Variants in TBC1D5 observed in about 807,000 individuals in gnomAD.
TBC1D5 encodes the protein TBC1 domain family, member 5.
In TBC1D5, 75 loss-of-function variants were observed where a neutral mutation model predicts 100.3. That is an observed-to-expected ratio of 0.75 (90% CI 0.62 to 0.91). The LOEUF (loss-of-function observed/expected upper bound fraction) is 0.91. Ranked by LOEUF, TBC1D5 falls within the 40% of genes least tolerant of loss-of-function variation. The pLI is 0.00. For synonymous variants in TBC1D5, 323 were observed against 325.6 expected (o/e 0.99, Z 0.09); for missense variants, 910 against 942.4 (o/e 0.97, Z 0.45).
intron 4 of TBC1D5, among the ~76,000 whole-genome samples, chr3:17,427,608 G>A (rs1416521263): frequency 6.6e-6 from 1 of 151,806 alleles, no homozygotes; most frequent in African/African-American, 2.4e-5. Context: ...TTATAGTGTT[G>A]TTACACAAGT....
At chr3:17,406,704 A>C in intron 4 of TBC1D5, 178 bp from the exon 5 acceptor site, 1 of 564,042 alleles carries the variant, frequency 1.8e-6, no homozygotes, top group Non-Finnish European at 3.1e-6. Flanking sequence ...GTTCTTCCGT[A>C]GATTTAATGA....
At chr3:17,272,384 T>A (rs2079522597) in intron 15 of TBC1D5, among the ~76,000 whole-genome samples, 1 of 152,196 alleles carries the variant, frequency 6.6e-6, no homozygotes, top group Admixed American at 6.5e-5. Flanking sequence ...TTATGAGGCA[T>A]CAATTAAGCA....
At chr3:17,214,064 A>C (rs532871833) in intron 18 of TBC1D5, 143 bp downstream of exon 19, 1 of 799,750 alleles carries the variant, frequency 1.3e-6, no homozygotes, top group South Asian at 3.2e-5. Flanking sequence ...TAAAATAATA[A>C]AATACTTTTG....
chr3:17,720,369 TA>T (rs2075595428), intron 1 of TBC1D5, among the ~76,000 whole-genome samples: 1 of 152,308 alleles, frequency 6.6e-6, no homozygotes, highest in African/African-American at 2.4e-5. Context: ...TTCATTATAA[TA>T]AAAAATATGG....
At chr3:17,494,704 T>C (rs967460265) in intron 3 of TBC1D5, among the ~76,000 whole-genome samples, 25 of 152,154 alleles carry the variant, frequency 1.6e-4, no homozygotes, top group Non-Finnish European at 1.5e-5. Context: ...CTGTGAGGAA[T>C]TCCTCCTAGC....
chr3:17,731,886 A>C (rs1292371172), intron 1 of TBC1D5, among the ~76,000 whole-genome samples: 1 of 152,190 alleles, frequency 6.6e-6, no homozygotes, highest in African/African-American at 2.4e-5. Flanking sequence ...ATTTTTTGTA[A>C]GAGAAGAAGG....
At chr3:17,466,890 AAATTT>A (rs1211901710) in intron 3 of TBC1D5, among the ~76,000 whole-genome samples, 23 of 152,146 alleles carry the variant, frequency 1.5e-4, no homozygotes, top group Non-Finnish European at 2.5e-4. Context: ...TATCACAATT[AAATTT>A]AAAAGTTTAT....
chr3:17,312,111 C>T (rs2084095727), intron 13 of TBC1D5, among the ~76,000 whole-genome samples: 1 of 151,976 alleles, frequency 6.6e-6, no homozygotes. Context: ...GAAATTAATA[C>T]ACCCTGAGTT....
At chr3:17,479,638 A>T (rs1018417566) in intron 3 of TBC1D5, among the ~76,000 whole-genome samples, 1 of 152,122 alleles carries the variant, frequency 6.6e-6, no homozygotes, top group Non-Finnish European at 1.5e-5. Context: ...GGAATTTGAG[A>T]CCAGCCTGGG....
intron 3 of TBC1D5, among the ~76,000 whole-genome samples, chr3:17,452,453 G>C (rs2094949761): frequency 6.6e-6 from 1 of 151,988 alleles, no homozygotes; most frequent in Non-Finnish European, 1.5e-5. Flanking sequence ...TACCTATAAG[G>C]ATACATAGAG....
intron 2 of TBC1D5, among the ~76,000 whole-genome samples, chr3:17,536,094 T>C (rs1329904554): frequency 6.6e-6 from 1 of 152,196 alleles, no homozygotes; most frequent in Non-Finnish European, 1.5e-5. Context: ...TTTCAATGCA[T>C]GCATCAAGAA....
At chr3:17,158,462 T>TCAA (rs2065774797) in exon 22 of TBC1D5, 1 of 152,122 alleles carries the variant, frequency 6.6e-6, no homozygotes, top group Admixed American at 6.5e-5. Flanking sequence ...CAAATAATAC[T>TCAA]CAACTATGAA....
chr3:17,423,654 G>A (rs1263119017), intron 4 of TBC1D5, among the ~76,000 whole-genome samples: 1 of 151,864 alleles, frequency 6.6e-6, no homozygotes, highest in Non-Finnish European at 1.5e-5. Flanking sequence ...TTTTTCTTAA[G>A]AGTACAGCTC....
At chr3:17,307,966 A>G in intron 14 of TBC1D5, 26 bp downstream of exon 14, 2 of 1,588,068 alleles carry the variant, frequency 1.3e-6, no homozygotes, top group Non-Finnish European at 1.7e-6. Context: ...ACCTAGTCAA[A>G]TGTAGGAAAG....
intron 1 of TBC1D5, among the ~76,000 whole-genome samples, chr3:17,711,088 A>G: frequency 6.6e-6 from 1 of 152,190 alleles, no homozygotes; most frequent in Non-Finnish European, 1.5e-5. Flanking sequence ...AATTAATCTT[A>G]GGATTATAAG....
intron 18 of TBC1D5, among the ~76,000 whole-genome samples, chr3:17,213,843 G>A (rs1054537147): frequency 1.4e-5 from 2 of 146,972 alleles, no homozygotes; most frequent in African/African-American, 5.0e-5. Flanking sequence ...TAATTTTCAA[G>A]AAATATTTAA....
chr3:17,353,534 T>C (rs1013902679), intron 13 of TBC1D5, among the ~76,000 whole-genome samples: 2 of 152,116 alleles, frequency 1.3e-5, no homozygotes, highest in South Asian at 2.1e-4. Flanking sequence ...TGCATAACTA[T>C]GTGAATGCGA....
intron 13 of TBC1D5, among the ~76,000 whole-genome samples, chr3:17,343,294 G>A (rs1456047067): frequency 1.3e-5 from 2 of 151,452 alleles, no homozygotes; most frequent in African/African-American, 4.8e-5. Context: ...TATTGAACCA[G>A]CCTTGCATCC....
Position 17,671,614 on chromosome 3 carries a change from A to G in TBC1D5, c.-100-47701T>C, listed in dbSNP as rs1476817004. ...TAAGGCATTTTAATAGCTATTTTGA[A>G]TGGGTTTACAGGACAATTACAAACT... On this transcript the variant is annotated intron_variant, in intron 1 of 21. Coordinates refer to ENST00000253692, the Ensembl canonical transcript of TBC1D5. 3.9e-5 allele frequency among the ~76,000 whole-genome samples: 6 copies of G among 152,268 alleles called. No individual in the cohort carries two copies. In the East Asian group the frequency reaches 1.2e-3, roughly 29 times the overall value.
Sources: allele counts gnomAD v4.1 joint callset (sites outside exome capture counted in the v4.1 genomes callset), GRCh38; gene constraint gnomAD v4.1.1; transcripts MANE v1.5; gene names NCBI Gene and HGNC (gene_info 2026-07-23, HGNC 2026-07-21).